The following ZDHHC11 variants were observed in gnomAD, a reference collection of about 807,000 sequenced individuals.
The protein encoded by ZDHHC11 is palmitoyltransferase ZDHHC11.
ZDHHC11 carries 44 observed loss-of-function variants against 51.3 expected under a neutral mutation model. The observed-to-expected ratio is 0.86, with a 90% CI of 0.67 to 1.10. ZDHHC11 has a LOEUF of 1.10. Among genes scored for constraint, ZDHHC11 ranks in the 50% least tolerant of loss-of-function variants. The probability of loss-of-function intolerance (pLI) is 0.00; values close to 1 mark genes in which losing one functional copy is unlikely to be tolerated. For missense variants in ZDHHC11, 400 were observed against 537.7 expected, an observed-to-expected ratio of 0.74 and a Z score of 2.53; for synonymous variants, 163 against 222.0, an observed-to-expected ratio of 0.73 and a Z score of 2.36.
At chr5:854,488 CCA>C (rs1207609620), upstream of ZDHHC11, among the ~76,000 whole-genome samples, 1 of 149,648 alleles carries the variant, frequency 6.7e-6, no homozygotes, top group African/African-American at 2.5e-5. Flanking sequence ...GGGACAGACC[CCA>C]CAGAGGACAG....
At chr5:817,856 G>A (rs760239207) in intron 10 of ZDHHC11, among the ~76,000 whole-genome samples, 3 of 151,364 alleles carry the variant, frequency 2.0e-5, no homozygotes, top group East Asian at 1.9e-4. Context: ...TCCATTCATC[G>A]AGTCAGGGTG....
At chr5:798,607 A>T (rs1230298070) in intron 12 of ZDHHC11, among the ~76,000 whole-genome samples, 1 of 150,526 alleles carries the variant, frequency 6.6e-6, no homozygotes, top group Non-Finnish European at 1.5e-5. Context: ...ATTATGTAAA[A>T]ATCAGACAAC....
chr5:800,528 T>C (rs1738265364), intron 12 of ZDHHC11, among the ~76,000 whole-genome samples: 1 of 151,474 alleles, frequency 6.6e-6, no homozygotes, highest in African/African-American at 2.4e-5. Context: ...TCAGTCTACC[T>C]ATTCTGCTGG....
chr5:802,463 G>T (rs1308477916), intron 11 of ZDHHC11, among the ~76,000 whole-genome samples: 3 of 150,860 alleles, frequency 2.0e-5, no homozygotes, highest in Admixed American at 6.6e-5. Flanking sequence ...AGACATACAG[G>T]TTGGTGGGGA....
chr5:860,436 C>T (rs1416097106), upstream of ZDHHC11, among the ~76,000 whole-genome samples: 2 of 152,214 alleles, frequency 1.3e-5, no homozygotes. This position sits in a 1 kb window ranked among gnomAD's most constrained non-coding sequence, Gnocchi z 4.2. Flanking sequence ...TATTGTGGCC[C>T]TGATGCTGTC....
chr5:846,142 C>T (rs1416713081), intron 3 of ZDHHC11, among the ~76,000 whole-genome samples: 7 of 150,676 alleles, frequency 4.6e-5, no homozygotes, highest in South Asian at 4.2e-4. Flanking sequence ...TACCATCTCA[C>T]GCAGCCTCTG....
At chr5:844,384 G>C (rs1399559955) in intron 3 of ZDHHC11, among the ~76,000 whole-genome samples, 1 of 152,300 alleles carries the variant, frequency 6.6e-6, no homozygotes, top group Non-Finnish European at 1.5e-5. Flanking sequence ...AGTGAGGTCA[G>C]AGATGCGGTG....
intron 1 of ZDHHC11, 124 bp from the exon 2 acceptor site, chr5:848,784 C>G (rs926559787): frequency 7.2e-6 from 10 of 1,397,442 alleles, no homozygotes; most frequent in South Asian, 7.0e-5. Flanking sequence ...GCCCTGCACA[C>G]GTGAGCCCAG....
intron 1 of ZDHHC11, among the ~76,000 whole-genome samples, chr5:857,057 C>A (rs1217339251): frequency 6.6e-6 from 1 of 151,742 alleles, no homozygotes; most frequent in Non-Finnish European, 1.5e-5. Context: ...GCTCACACTC[C>A]CACACACACC....
Position 801,092 on chromosome 5 carries a change from T to A in ZDHHC11, c.*7+8A>T. ...TTTCAACATGACCCGCACTGCCACGTATCTTACCTGAATCTCAGTCTTCAC... is the reference window on the plus strand; with the variant it reads ...TTTCAACATGACCCGCACTGCCACGAATCTTACCTGAATCTCAGTCTTCAC... On this transcript the variant is annotated splice_region_variant and intron_variant, in intron 12 of 12. Coordinates refer to ENST00000283441, the MANE Select transcript of ZDHHC11 (RefSeq NM_024786.3). 6.2e-7 allele frequency: 1 copy of A among 1,609,844 alleles called. No homozygotes were observed. Among genetic ancestry groups the A allele is most frequent in the South Asian group, 1.1e-5 (1 of 90,940 alleles).
intron 7 of ZDHHC11, among the ~76,000 whole-genome samples, chr5:827,244 C>G (rs956663005): frequency 6.7e-5 from 10 of 148,838 alleles, no homozygotes. Context: ...AATCTTAAAA[C>G]AAAACCTCAA....
exon 1 of ZDHHC11, among the ~76,000 whole-genome samples, chr5:858,949 G>A (rs1374475272): frequency 3.3e-5 from 5 of 152,156 alleles, no homozygotes; most frequent in South Asian, 2.1e-4. Flanking sequence ...AAGCAGCGTC[G>A]CTCTCGCTAA....
At chr5:847,254 G>A (rs1375078017) in intron 3 of ZDHHC11, among the ~76,000 whole-genome samples, 2 of 151,658 alleles carry the variant, frequency 1.3e-5, no homozygotes, top group African/African-American at 4.8e-5. Flanking sequence ...CTCAGCCAGC[G>A]TGGCCCCGCA....
chr5:836,292 A>G (rs1171732770), intron 6 of ZDHHC11, among the ~76,000 whole-genome samples: 1 of 150,318 alleles, frequency 6.7e-6, no homozygotes, highest in Non-Finnish European at 1.5e-5. Flanking sequence ...ACCGTTCTCT[A>G]TTGGACTAAC....
At chr5:801,069 T>G in intron 12 of ZDHHC11, 31 bp downstream of exon 12, 1 of 1,608,924 alleles carries the variant, frequency 6.2e-7, no homozygotes. Flanking sequence ...TGGGTAGATT[T>G]CAACATGACC....
rs1374294033 is a variant in ZDHHC11, at chr5:796,188, C to G, written c.*400G>C. 2 of 156,038 alleles carry G rather than the reference C, an allele frequency of 1.3e-5. No individual in the cohort carries two copies. Among genetic ancestry groups the G allele is most frequent in the African/African-American group, 2.4e-5 (1 of 41,552 alleles). 9.7% of individuals were successfully genotyped at this position (156,038 alleles called of 1,614,324 possible). On this transcript the variant is annotated 3_prime_UTR_variant, in exon 13 of 13. Transcript: ENST00000283441. ...AGTACTGTGCTCCCATTTCCCAGTACTGTGCTCACAGGTGTGAGCCAACAT... is the reference window on the plus strand; with the variant it reads ...AGTACTGTGCTCCCATTTCCCAGTAGTGTGCTCACAGGTGTGAGCCAACAT...
upstream of ZDHHC11, among the ~76,000 whole-genome samples, chr5:852,569 A>T (rs931027901): frequency 2.0e-5 from 3 of 151,830 alleles, no homozygotes; most frequent in Non-Finnish European, 2.9e-5. Context: ...GACCCCACGG[A>T]GGACAATGAG....
At chr5:856,920 C>A (rs962999634) in intron 1 of ZDHHC11, among the ~76,000 whole-genome samples, 1 of 151,176 alleles carries the variant, frequency 6.6e-6, no homozygotes, top group Non-Finnish European at 1.5e-5. Flanking sequence ...CACACACACA[C>A]CAAACCACAC....
chr5:858,998 C>G (rs1282381289), upstream of ZDHHC11, among the ~76,000 whole-genome samples: 1 of 151,924 alleles, frequency 6.6e-6, no homozygotes, highest in Non-Finnish European at 1.5e-5. Flanking sequence ...CTGCCCTGGT[C>G]GACACGGTAG....
Sources: gnomAD v4.1 joint callset for allele counts (sites outside exome capture counted in the v4.1 genomes callset) on GRCh38, gnomAD v4.1.1 for gene constraint, Gnocchi (gnomAD v3.1) non-coding constraint, MANE v1.5 for transcripts, NCBI Gene and HGNC (gene_info 2026-07-23, HGNC 2026-07-21) for gene names.